CACNA1A: variants seen among roughly 807,000 people sequenced by gnomAD.
The protein encoded by CACNA1A is calcium voltage-gated channel subunit alpha1 A, also known as voltage-dependent P/Q-type calcium channel subunit alpha-1A.
Under a neutral mutation model 262.4 loss-of-function variants are expected in CACNA1A, and 57 were observed. The ratio of observed to expected loss-of-function variants is 0.22; its 90% CI spans 0.18 to 0.27. CACNA1A has a LOEUF of 0.27. Among genes scored for constraint, CACNA1A ranks in the 10% least tolerant of loss-of-function variants. CACNA1A has a pLI of 1.00. For synonymous variants in CACNA1A, 1,431 were observed against 1,419.3 expected, an observed-to-expected ratio of 1.01 and a Z score of -0.18; for missense variants, 2,526 against 3,562.8, an observed-to-expected ratio of 0.71 and a Z score of 7.41.
chr19:13,413,656 A>C (rs2060157790), intron 3 of CACNA1A, among the ~76,000 whole-genome samples: 1 of 145,448 alleles, frequency 6.9e-6, no homozygotes, highest in Non-Finnish European at 1.5e-5. Flanking sequence ...AGGTGGGAGG[A>C]TCACCTGAGG....
intron 3 of CACNA1A, among the ~76,000 whole-genome samples, chr19:13,390,306 G>T (rs1320426059): frequency 2.0e-5 from 3 of 152,034 alleles, no homozygotes; most frequent in Non-Finnish European, 4.4e-5. Flanking sequence ...TAGAGATGAG[G>T]TCTCTCTGTT....
In CACNA1A at chr19:13,236,537, A is replaced by T. The variant is rs2144653549; in HGVS notation, c.4951-807T>A. The T allele has an allele frequency of 6.5e-6, 1 of 153,270 alleles. No individual in the cohort carries two copies. The highest frequency in any genetic ancestry group is 6.5e-5 in the Admixed American group (1 of 15,310). 9.5% of individuals were successfully genotyped at this position (153,270 alleles called of 1,614,324 possible). On this transcript the variant is annotated intron_variant, in intron 31 of 46. Coordinates refer to ENST00000360228, the MANE Select transcript of CACNA1A (RefSeq NM_001127222.2). The surrounding 1 kb of genome is among the most constrained non-coding windows in gnomAD (Gnocchi z 4.6). ...TCCTCGCTGCCCGCTGAGTCGGAGA[A>T]GATGCATTTGGGGCCCTTTTCCCCC...
rs1163295346 is a variant in CACNA1A at position 13,306,237 on chromosome 19, T to C, written c.1986+1545A>G. 2.6e-5 allele frequency among the ~76,000 whole-genome samples: 4 copies of C among 152,296 alleles called. No individual in the cohort carries two copies. In the East Asian group the frequency reaches 7.7e-4, roughly 29 times the overall value. ...TCAAAGAGAAAGAATCCACCAAAGATGCTCTGAAGGTCCCGGCTGGGCCAG... is the reference window on the plus strand; with the variant it reads ...TCAAAGAGAAAGAATCCACCAAAGACGCTCTGAAGGTCCCGGCTGGGCCAG... On this transcript the variant is annotated intron_variant, in intron 15 of 46. Coordinates refer to ENST00000360228, the MANE Select transcript of CACNA1A (RefSeq NM_001127222.2).
At chr19:13,376,739 T>C (rs1042334190) in intron 3 of CACNA1A, among the ~76,000 whole-genome samples, 3 of 148,132 alleles carry the variant, frequency 2.0e-5, no homozygotes, top group Non-Finnish European at 4.5e-5. Context: ...ATATATGATA[T>C]ATATAACACA....
At chr19:13,227,689 A>G in intron 36 of CACNA1A, 162 bp from the exon 37 acceptor site, 1 of 373,796 alleles carries the variant, frequency 2.7e-6, no homozygotes, top group Non-Finnish European at 4.9e-6. Flanking sequence ...GAGAATGATA[A>G]AATAGATATT....
intron 6 of CACNA1A, among the ~76,000 whole-genome samples, chr19:13,352,751 T>G (rs568116632): frequency 6.6e-6 from 1 of 152,160 alleles, no homozygotes; most frequent in Non-Finnish European, 1.5e-5. Flanking sequence ...CCTCCCTGAT[T>G]GGCTGACCTA....
At chr19:13,414,656 C>T (rs1487815436) in intron 3 of CACNA1A, among the ~76,000 whole-genome samples, 1 of 152,142 alleles carries the variant, frequency 6.6e-6, no homozygotes, top group Non-Finnish European at 1.5e-5. Flanking sequence ...GCTGAGAACA[C>T]ACTCAAGAAA....
chr19:13,382,628 AG>A (rs1421710511), intron 3 of CACNA1A, among the ~76,000 whole-genome samples: 4 of 152,134 alleles, frequency 2.6e-5, no homozygotes, highest in Non-Finnish European at 5.9e-5. Context: ...TGGAGCAGGA[AG>A]GGATGTGATT....
chr19:13,492,409 G>A (rs930696415), intron 1 of CACNA1A, among the ~76,000 whole-genome samples: 2 of 152,196 alleles, frequency 1.3e-5, no homozygotes, highest in Admixed American at 1.3e-4. Flanking sequence ...GGGAGGGCAA[G>A]CCTGATTGGG....
At chr19:13,299,498 T>C in intron 18 of CACNA1A, 145 bp from the exon 19 acceptor site, 1 of 757,538 alleles carries the variant, frequency 1.3e-6, no homozygotes, top group Non-Finnish European at 2.2e-6. Flanking sequence ...TCTGTGAGCA[T>C]CTGAGTCAGG....
At chr19:13,279,123 GGAAA>G in intron 22 of CACNA1A, among the ~76,000 whole-genome samples, 1 of 152,106 alleles carries the variant, frequency 6.6e-6, no homozygotes, top group Non-Finnish European at 1.5e-5. Context: ...ATGAATGGAA[GGAAA>G]GAAGGAAGAG....
chr19:13,497,571 TATATATATAA>T (rs1568710096), intron 1 of CACNA1A, among the ~76,000 whole-genome samples: 1 of 35,496 alleles, frequency 2.8e-5, no homozygotes, highest in African/African-American at 1.2e-4. Flanking sequence ...TATATATATA[TATATATATAA>T]ATTTATGTTG....
Position 13,227,543 on chromosome 19 carries a change from AT to A in CACNA1A, c.5529-17del, listed in dbSNP as rs756190490. The A allele has an allele frequency of 5.9e-6, 9 of 1,522,112 alleles. No individual in the cohort carries two copies. In the South Asian group the frequency reaches 1.1e-4, roughly 19 times the overall value. 94.3% of individuals were successfully genotyped at this position (1,522,112 alleles called of 1,614,324 possible). A position where few individuals can be genotyped will look rare whatever the true frequency, so the allele number is the denominator to read the frequency against. Reference sequence around the variant, plus strand: ...CATGCGGCCCCTGGCAGCACCGAAAATGAAAAAAACAAAAACAAAAACAAAA... The same window carrying A: ...CATGCGGCCCCTGGCAGCACCGAAAAGAAAAAAACAAAAACAAAAACAAAA... On this transcript the variant is annotated splice_polypyrimidine_tract_variant and intron_variant, in intron 36 of 46. Transcript: ENST00000360228.
intron 38 of CACNA1A, among the ~76,000 whole-genome samples, chr19:13,219,940 A>G (rs1197193157): frequency 2.7e-5 from 3 of 111,988 alleles, no homozygotes; most frequent in African/African-American, 1.1e-4. Context: ...ACAGAACAAG[A>G]CTCCGTTTCA....
At chr19:13,365,504 T>C (rs2059192888) in intron 4 of CACNA1A, 35 bp from the exon 5 acceptor site, 1 of 1,602,226 alleles carries the variant, frequency 6.2e-7, no homozygotes, top group African/African-American at 1.3e-5. Context: ...CATAAGCCCA[T>C]GAGCAAGTAC....
chr19:13,421,810 A>G (rs1281787544), intron 3 of CACNA1A, among the ~76,000 whole-genome samples: 1 of 152,160 alleles, frequency 6.6e-6, no homozygotes, highest in Non-Finnish European at 1.5e-5. Flanking sequence ...AAGGTATTTT[A>G]TTATAGCCAC....
Position 13,413,911 on chromosome 19 carries a change from G to GA in CACNA1A, c.539+38964dup, listed in dbSNP as rs1429238331. Reference sequence around the variant, plus strand: ...AAAGAAAGAAAAAGAAAGAAAGAAAGAAAGAAAGAAAGAAAGAAAGAAAGA... The same window carrying GA: ...AAAGAAAGAAAAAGAAAGAAAGAAAGAAAAGAAAGAAAGAAAGAAAGAAAGA... On this transcript the variant is annotated intron_variant, in intron 3 of 46. Transcript: ENST00000360228. Among the ~76,000 whole-genome samples, 68 of 100,216 alleles carry GA rather than the reference G, an allele frequency of 6.8e-4. 1 individual carries two copies. The highest frequency in any genetic ancestry group is 1.7e-3 in the African/African-American group (55 of 31,992). 65.7% of individuals were successfully genotyped at this position (100,216 alleles called of 152,430 possible). A position where few individuals can be genotyped will look rare whatever the true frequency, so the allele number is the denominator to read the frequency against.
At chr19:13,471,303 G>T (rs1414583229) in intron 1 of CACNA1A, among the ~76,000 whole-genome samples, 2 of 152,138 alleles carry the variant, frequency 1.3e-5, no homozygotes, top group East Asian at 3.9e-4. Context: ...CCACTACAGT[G>T]TCCAAGGCCC....
intron 10 of CACNA1A, among the ~76,000 whole-genome samples, chr19:13,329,599 C>T (rs966728071): frequency 6.6e-6 from 1 of 151,210 alleles, no homozygotes; most frequent in Non-Finnish European, 1.5e-5. Context: ...AGTGATGCTC[C>T]CGCCTCAGCC....
Sources: allele counts gnomAD v4.1 joint callset (sites outside exome capture counted in the v4.1 genomes callset), GRCh38; gene constraint gnomAD v4.1.1; non-coding constraint Gnocchi (gnomAD v3.1); transcripts MANE v1.5; gene names NCBI Gene and HGNC (gene_info 2026-07-23, HGNC 2026-07-21).